The following PRKN variants were observed in gnomAD, a reference collection of about 807,000 sequenced individuals.
PRKN encodes the protein parkin RBR E3 ubiquitin protein ligase.
Under a neutral mutation model 59.5 loss-of-function variants are expected in PRKN, and 56 were observed. The observed-to-expected ratio is 0.94, with a 90% confidence interval of 0.76 to 1.18. PRKN has a LOEUF of 1.18. PRKN is among the 50% of genes most tolerant of loss of function. PRKN has a pLI of 0.00. For missense variants in PRKN, 657 were observed against 596.4 expected (o/e 1.10, Z -1.06); for synonymous variants, 250 against 222.1 (o/e 1.13, Z -1.12).
At chr6:161,631,793 A>C (rs867542194) in intron 7 of PRKN, among the ~76,000 whole-genome samples, 5 of 147,186 alleles carry the variant, frequency 3.4e-5, no homozygotes, top group Non-Finnish European at 7.5e-5. Context: ...ACACACACAC[A>C]CCCCACACAC....
intron 7 of PRKN, among the ~76,000 whole-genome samples, chr6:161,756,878 G>C (rs1207123020): frequency 6.6e-6 from 1 of 152,068 alleles, no homozygotes; most frequent in Non-Finnish European, 1.5e-5. Context: ...GTACGCTATT[G>C]GCATACAGAT....
chr6:161,498,720 C>T lies in PRKN; in HGVS notation c.1083+50134G>A, dbSNP rs564936799. The stretch of plus-strand genomic sequence containing the variant: ...CCAACCCTATTGGACAGGCCTTACG[C>T]GTGAGAAACAAACCTTTGTTGTTTC... On this transcript the variant is annotated intron_variant, in intron 9 of 11. Coordinates refer to ENST00000366898, the MANE Select transcript of PRKN (RefSeq NM_004562.3). This position sits in a 1 kb window ranked among gnomAD's most constrained non-coding sequence, Gnocchi z 4.2. Among the ~76,000 whole-genome samples the T allele has an allele frequency of 2.6e-5, 4 of 152,168 alleles. No individual in the cohort carries two copies. The highest frequency in any genetic ancestry group is 5.9e-5 in the Non-Finnish European group (4 of 68,030).
chr6:162,003,674 A>C (rs1359981912), intron 5 of PRKN, among the ~76,000 whole-genome samples: 1 of 152,206 alleles, frequency 6.6e-6, no homozygotes, highest in Non-Finnish European at 1.5e-5. Flanking sequence ...GTATAAATAT[A>C]CCATAACTTG....
chr6:161,435,101 T>C (rs1449865631), intron 9 of PRKN, among the ~76,000 whole-genome samples: 1 of 152,096 alleles, frequency 6.6e-6, no homozygotes, highest in Non-Finnish European at 1.5e-5. Context: ...AACAGACAGA[T>C]CTGGTGAGAC....
chr6:162,714,037 G>A (rs1282135951), intron 1 of PRKN, among the ~76,000 whole-genome samples: 4 of 152,168 alleles, frequency 2.6e-5, no homozygotes, highest in African/African-American at 9.7e-5. Flanking sequence ...CATCAGGAAT[G>A]TGACGTTTGA....
chr6:162,598,707 G>T (rs1170417457), intron 1 of PRKN, among the ~76,000 whole-genome samples: 1 of 151,970 alleles, frequency 6.6e-6, no homozygotes, highest in East Asian at 1.9e-4. Flanking sequence ...ACAAAAATTA[G>T]CTGGGTGTGG....
chr6:162,165,580 T>G (rs1293304819), intron 4 of PRKN, among the ~76,000 whole-genome samples: 3 of 149,560 alleles, frequency 2.0e-5, no homozygotes, highest in African/African-American at 7.5e-5. Flanking sequence ...TCAGTGAGTC[T>G]GAATGGAATG....
intron 6 of PRKN, among the ~76,000 whole-genome samples, chr6:161,938,683 C>G (rs1371453773): frequency 6.6e-6 from 1 of 152,184 alleles, no homozygotes; most frequent in African/African-American, 2.4e-5. Context: ...AATGCCAATC[C>G]TGTCATCTGA....
intron 2 of PRKN, among the ~76,000 whole-genome samples, chr6:162,426,636 C>T (rs796568492): frequency 2.4e-4 from 37 of 152,070 alleles, no homozygotes; most frequent in African/African-American, 7.2e-4. Flanking sequence ...TTTGTAGAGA[C>T]GGGTTTCACC....
chr6:162,134,537 C>T (rs186914086), intron 4 of PRKN, among the ~76,000 whole-genome samples: 2 of 152,198 alleles, frequency 1.3e-5, no homozygotes, highest in Admixed American at 1.3e-4. Flanking sequence ...GGCCCAGACA[C>T]TTCAAGGACA....
intron 1 of PRKN, among the ~76,000 whole-genome samples, chr6:162,630,354 T>C (rs1390858145): frequency 6.6e-6 from 1 of 152,162 alleles, no homozygotes; most frequent in Admixed American, 6.6e-5. Context: ...ATTACTTTGA[T>C]TTCCCAGGCT....
intron 9 of PRKN, among the ~76,000 whole-genome samples, chr6:161,439,952 T>G (rs1337100699): frequency 9.3e-6 from 1 of 107,556 alleles, no homozygotes; most frequent in Non-Finnish European, 2.1e-5. Flanking sequence ...TTTTGTTTTG[T>G]TTTTTGTTTT....
At chr6:162,394,538 T>C (rs1787378188) in intron 2 of PRKN, among the ~76,000 whole-genome samples, 1 of 152,200 alleles carries the variant, frequency 6.6e-6, no homozygotes, top group Non-Finnish European at 1.5e-5. Flanking sequence ...AAGGTAATAT[T>C]TGGAACACTT....
At chr6:161,541,682 G>C (rs1054087547) in intron 9 of PRKN, among the ~76,000 whole-genome samples, 1 of 152,098 alleles carries the variant, frequency 6.6e-6, no homozygotes, top group African/African-American at 2.4e-5. Flanking sequence ...TTAGCTGGGC[G>C]TAGTGGCACG....
chr6:161,426,136 G>A (rs1788344336), intron 9 of PRKN, among the ~76,000 whole-genome samples: 1 of 152,092 alleles, frequency 6.6e-6, no homozygotes, highest in Non-Finnish European at 1.5e-5. Context: ...ACAAAAAGAG[G>A]AAGAGAGAAA....
intron 7 of PRKN, among the ~76,000 whole-genome samples, chr6:161,656,237 G>A (rs1399462397): frequency 2.0e-5 from 3 of 152,094 alleles, no homozygotes; most frequent in African/African-American, 2.4e-5. Context: ...GTCAGCGCTC[G>A]GGCCCCTGCT....
Position 161,530,408 on chromosome 6 carries a change from G to T in PRKN, c.1083+18446C>A, listed in dbSNP as rs191864057. On this transcript the variant is annotated intron_variant, in intron 9 of 11. Coordinates refer to ENST00000366898, the MANE Select transcript of PRKN (RefSeq NM_004562.3). The surrounding 1 kb of genome is among the most constrained non-coding windows in gnomAD (Gnocchi z 5.0). ...CCTGGTTTGAAAAATCATACTTTTAGAAGAAATTGCCCTTTCCATTTTCTT... is the reference window on the plus strand; with the variant it reads ...CCTGGTTTGAAAAATCATACTTTTATAAGAAATTGCCCTTTCCATTTTCTT... Among the ~76,000 whole-genome samples, 2 of 152,268 alleles carry T rather than the reference G, an allele frequency of 1.3e-5. No individual in the cohort carries two copies. The highest frequency in any genetic ancestry group is 6.5e-5 in the Admixed American group (1 of 15,306).
At chr6:161,370,986 G>A (rs1038002398) in intron 10 of PRKN, among the ~76,000 whole-genome samples, 6 of 152,194 alleles carry the variant, frequency 3.9e-5, no homozygotes, top group African/African-American at 1.4e-4. Context: ...ACTGCTGCGT[G>A]TGAGCAGCCC....
chr6:162,554,890 A>G (rs1169025007), intron 1 of PRKN, among the ~76,000 whole-genome samples: 1 of 152,224 alleles, frequency 6.6e-6, no homozygotes, highest in African/African-American at 2.4e-5. Context: ...AGAGTGTATC[A>G]ACTATCAAGA....
Sources: gnomAD v4.1 joint callset for allele counts (sites outside exome capture counted in the v4.1 genomes callset) on GRCh38, gnomAD v4.1.1 for gene constraint, Gnocchi (gnomAD v3.1) non-coding constraint, MANE v1.5 for transcripts, NCBI Gene and HGNC (gene_info 2026-07-23, HGNC 2026-07-21) for gene names.